Variants in FAM120B observed in about 807,000 individuals in gnomAD.
FAM120B encodes the protein family with sequence similarity 120 member B.
A neutral mutation model predicts 96.3 loss-of-function variants in FAM120B; 83 were observed. The ratio of observed to expected loss-of-function variants is 0.86; its 90% confidence interval spans 0.72 to 1.03. The LOEUF (loss-of-function observed/expected upper bound fraction) is 1.03. FAM120B is among the 50% of genes least tolerant of loss of function. The probability of loss-of-function intolerance (pLI) is 0.00; values close to 1 mark genes in which losing one functional copy is unlikely to be tolerated. For missense variants in FAM120B, 1,027 were observed against 1,121.2 expected (o/e 0.92, Z 1.20); for synonymous variants, 407 against 402.7 (o/e 1.01, Z -0.13).
intron 5 of FAM120B, among the ~76,000 whole-genome samples, chr6:170,350,651 G>A (rs1160838974): frequency 6.6e-6 from 1 of 152,208 alleles, no homozygotes; most frequent in Non-Finnish European, 1.5e-5. Flanking sequence ...GAGAAACTGA[G>A]GCAACTGGCA....
chr6:170,302,951 G>A (rs1006185894), upstream of FAM120B, among the ~76,000 whole-genome samples: 1 of 152,194 alleles, frequency 6.6e-6, no homozygotes, highest in African/African-American at 2.4e-5. Flanking sequence ...TCCCTTTGCT[G>A]TAGTGTACTG....
chr6:170,341,333 G>A (rs1257257502), intron 4 of FAM120B, among the ~76,000 whole-genome samples: 1 of 152,202 alleles, frequency 6.6e-6, no homozygotes, highest in African/African-American at 2.4e-5. Flanking sequence ...AGTAATGGCA[G>A]ACGCCCCTCC....
At chr6:170,366,642 G>T (rs940054293) in intron 6 of FAM120B, among the ~76,000 whole-genome samples, 2 of 152,196 alleles carry the variant, frequency 1.3e-5, no homozygotes, top group Admixed American at 6.5e-5. Flanking sequence ...TCTGGTGTGG[G>T]GTGAATGGGG....
Position 170,330,476 on chromosome 6 carries a change from A to C in FAM120B, c.1943A>C (p.Lys648Thr), listed in dbSNP as rs766744846. 4 of 1,614,142 alleles carry C rather than the reference A, an allele frequency of 2.5e-6. No individual in the cohort carries two copies. Among genetic ancestry groups the C allele is most frequent in the Non-Finnish European group, 3.4e-6 (4 of 1,180,002 alleles). ...QDVTSTCLAV[K>T]EWFVYPGNPL... ...GTCACCAGCACCTGCCTAGCTGTCA[A>C]GGAGTGGTTTGTGTATCCTGGGAAC... Residue 648 changes from lysine (K) to threonine (T), a missense_variant, in exon 4 of 11, where the codon AAG becomes ACG. Around this residue, in one of 3 missense-constraint regions of FAM120B, gnomAD observed 880 missense variants for 980.9 expected, o/e 0.90. Coordinates refer to ENST00000476287, the MANE Select transcript of FAM120B (RefSeq NM_032448.3).
intron 1 of FAM120B, among the ~76,000 whole-genome samples, chr6:170,297,190 C>T (rs1784034522): frequency 6.6e-6 from 1 of 152,232 alleles, no homozygotes; most frequent in South Asian, 2.1e-4. Context: ...TGGGCGTGTG[C>T]GGCTCAGGGT....
intron 4 of FAM120B, among the ~76,000 whole-genome samples, chr6:170,339,830 G>A (rs1037760596): frequency 5.9e-5 from 9 of 151,472 alleles, no homozygotes; most frequent in South Asian, 2.1e-4. Flanking sequence ...ACTCTTTTGC[G>A]GCTTGTAGGG....
chr6:170,363,480 G>C lies in FAM120B; in HGVS notation c.2283+5162G>C, dbSNP rs1788589744. Among the ~76,000 whole-genome samples the C allele has an allele frequency of 6.6e-6, 1 of 152,256 alleles. No homozygotes were observed. The highest frequency in any genetic ancestry group is 6.5e-5 in the Admixed American group (1 of 15,292). Reference sequence around the variant, plus strand: ...TACAGCACAGCTTGGCCTGGGGCCTGCTGGGGCGCTCAGAAAACAGCAAGC... The same window carrying C: ...TACAGCACAGCTTGGCCTGGGGCCTCCTGGGGCGCTCAGAAAACAGCAAGC... On this transcript the variant is annotated intron_variant, in intron 6 of 10. Transcript: ENST00000476287. The surrounding 1 kb of genome is among the most constrained non-coding windows in gnomAD (Gnocchi z 4.5).
intron 9 of FAM120B, among the ~76,000 whole-genome samples, chr6:170,398,229 T>C (rs1360206664): frequency 1.3e-5 from 2 of 152,268 alleles, no homozygotes; most frequent in African/African-American, 4.8e-5. Flanking sequence ...TTGAGTGTCC[T>C]TTCTAGCTCT....
intron 6 of FAM120B, among the ~76,000 whole-genome samples, chr6:170,372,086 C>T (rs905755895): frequency 3.9e-5 from 6 of 152,172 alleles, no homozygotes; most frequent in South Asian, 2.1e-4. Flanking sequence ...ATAAAATTTT[C>T]GTTAGGAATA....
chr6:170,395,369 C>T (rs1269183384), intron 8 of FAM120B, 118 bp from the exon 9 acceptor site: 4 of 802,538 alleles, frequency 5.0e-6, no homozygotes, highest in African/African-American at 3.4e-5. Flanking sequence ...GACCCTCCCT[C>T]TGATTTAAGT....
intron 6 of FAM120B, among the ~76,000 whole-genome samples, chr6:170,376,403 C>T (rs533581757): frequency 6.6e-6 from 1 of 151,456 alleles, no homozygotes; most frequent in South Asian, 2.1e-4. Flanking sequence ...GGACAGTAAG[C>T]CAAGGGGAAT....
chr6:170,395,511 G>A lies in FAM120B; in HGVS notation c.2624G>A (p.Ser875Asn). Residue 875 changes from serine (S) to asparagine (N), a missense_variant, in exon 9 of 11, where the codon AGC (serine) becomes AAC (asparagine). This residue lies in a region of FAM120B where 142 missense variants were observed against 122.5 expected (regional missense o/e 1.16). Transcript: ENST00000476287. Reference protein sequence around the residue: ...HAGRWGRQGSSYHRTGSGYSR... With the variant: ...HAGRWGRQGSNYHRTGSGYSR... ...GGGAGGTGGGGAAGACAGGGCTCCA[G>A]CTACCACAGGACGGGCTCTGGGTAT... The A allele has an allele frequency of 3.1e-6, 5 of 1,598,466 alleles. No homozygotes were observed. The highest frequency in any genetic ancestry group is 4.3e-6 in the Non-Finnish European group (5 of 1,172,612).
rs1783986523 is a variant in FAM120B at position 170,295,801 on chromosome 6, G to A, written c.48+348G>A. Among the ~76,000 whole-genome samples, 1 of 152,242 alleles carries A rather than the reference G, an allele frequency of 6.6e-6. No individual in the cohort carries two copies. Among genetic ancestry groups the A allele is most frequent in the South Asian group, 2.1e-4 (1 of 4,832 alleles). On this transcript the variant is annotated intron_variant, in intron 1 of 10. Coordinates refer to the FAM120B transcript ENST00000537664. This position sits in a 1 kb window ranked among gnomAD's most constrained non-coding sequence, Gnocchi z 7.8. The stretch of plus-strand genomic sequence containing the variant: ...TCGGGGGGTCGTTTTGCGGTGGGGG[G>A]AGTCCGAACCGCGCCACGGGCCCGC...
At chr6:170,340,090 A>G (rs767274547) in intron 4 of FAM120B, among the ~76,000 whole-genome samples, 20 of 152,114 alleles carry the variant, frequency 1.3e-4, no homozygotes, top group African/African-American at 1.9e-4. Context: ...GTGTTTTCCA[A>G]CCTGGTTCCA....
chr6:170,319,305 C>T (rs769414071), intron 2 of FAM120B, among the ~76,000 whole-genome samples, 181 bp downstream of exon 2: 1 of 152,212 alleles, frequency 6.6e-6, no homozygotes, highest in East Asian at 1.9e-4. Flanking sequence ...ATGTTGGATA[C>T]TGTCACATGA....
In FAM120B at chr6:170,323,105, A is replaced by G; in HGVS notation, c.1761A>G (p.Ala587=). 6.2e-7 allele frequency: 1 copy of G among 1,613,510 alleles called. No individual in the cohort carries two copies. Among genetic ancestry groups the G allele is most frequent in the Non-Finnish European group, 8.5e-7 (1 of 1,179,738 alleles). Residue 587 remains alanine (A), a synonymous_variant, in exon 3 of 11, where the codon GCA becomes GCG. Coordinates refer to ENST00000476287, the MANE Select transcript of FAM120B (RefSeq NM_032448.3). Reference sequence around the variant, plus strand: ...TTGCTAGAACACATCACGTCCAAGCAGAAAGCTACCTGGTGTACAACATCA... The same window carrying G: ...TTGCTAGAACACATCACGTCCAAGCGGAAAGCTACCTGGTGTACAACATCA... ...LKVARTHHVQ[A]ESYLVYNIMS...
intron 5 of FAM120B, among the ~76,000 whole-genome samples, chr6:170,349,907 A>G (rs1787462245): frequency 2.0e-5 from 3 of 152,140 alleles, no homozygotes. Flanking sequence ...TGGGAACAGT[A>G]TGGAGCCAAA....
At chr6:170,337,000 C>G (rs899416254) in intron 4 of FAM120B, among the ~76,000 whole-genome samples, 4 of 152,318 alleles carry the variant, frequency 2.6e-5, no homozygotes, top group South Asian at 4.2e-4. Flanking sequence ...TTGATTTTCT[C>G]TCTTCCTATT....
chr6:170,325,579 G>A (rs1260872579), intron 3 of FAM120B, among the ~76,000 whole-genome samples: 2 of 151,072 alleles, frequency 1.3e-5, no homozygotes, highest in African/African-American at 2.4e-5. Context: ...GGTAGCTCAC[G>A]CCTGTAATCC....
Sources: gnomAD v4.1 joint callset for allele counts (sites outside exome capture counted in the v4.1 genomes callset) on GRCh38, gnomAD v4.1.1 for gene constraint, gnomAD v4.1.1 regional missense constraint, Gnocchi (gnomAD v3.1) non-coding constraint, MANE v1.5 for transcripts, NCBI Gene and HGNC (gene_info 2026-07-23, HGNC 2026-07-21) for gene names.